The following SQOR variants were observed in gnomAD, a reference collection of about 807,000 sequenced individuals.
SQOR encodes sulfide:quinone oxidoreductase, mitochondrial.
SQOR carries 39 observed loss-of-function variants against 48.6 expected under a neutral mutation model. The ratio of observed to expected loss-of-function variants is 0.80; its 90% CI spans 0.62 to 1.05. The LOEUF is 1.05. SQOR is among the 50% of genes least tolerant of loss of function. The probability of loss-of-function intolerance (pLI) is 0.00; values close to 1 mark genes in which losing one functional copy is unlikely to be tolerated. For missense variants in SQOR, 561 were observed against 559.9 expected (o/e 1.00, Z -0.02); for synonymous variants, 220 against 206.2 (o/e 1.07, Z -0.57).
At chr15:45,648,817 TGATTA>T (rs1193762366) in intron 1 of SQOR, among the ~76,000 whole-genome samples, 11 of 152,380 alleles carry the variant, frequency 7.2e-5, no homozygotes, top group African/African-American at 2.4e-4. Flanking sequence ...CACTGTTTAA[TGATTA>T]GACTGTTTTC....
chr15:45,663,002 A>G (rs1453562686), intron 3 of SQOR, among the ~76,000 whole-genome samples: 1 of 152,088 alleles, frequency 6.6e-6, no homozygotes, highest in Non-Finnish European at 1.5e-5. Context: ...CCTTCCTCCA[A>G]CAGAGATTCA....
Position 45,673,769 on chromosome 15 carries a change from A to G in SQOR, c.622A>G (p.Ile208Val), listed in dbSNP as rs1257034970. 1.9e-6 allele frequency: 3 copies of G among 1,614,042 alleles called. No homozygotes were observed. The highest frequency in any genetic ancestry group is 2.5e-6 in the Non-Finnish European group (3 of 1,180,030). ...PVKCAGAPQK[I>V]MYLSEAYFRK... is the part of the protein sequence containing the mutation. ...GAAGTGTGCTGGAGCCCCTCAGAAG[A>G]TCATGTACTTATCAGAAGCCTACTT... Residue 208 changes from isoleucine to valine, a missense_variant, in exon 5 of 10, where the codon ATC becomes GTC. Ile to Val is a conservative substitution (Grantham distance 29). Coordinates refer to ENST00000260324, the MANE Select transcript of SQOR (RefSeq NM_021199.4).
chr15:45,651,510 CGAG>C (rs1379838780), intron 1 of SQOR, among the ~76,000 whole-genome samples: 1 of 152,234 alleles, frequency 6.6e-6, no homozygotes, highest in Non-Finnish European at 1.5e-5. Flanking sequence ...ATGCCAAGTC[CGAG>C]GAGGTGCTGA....
intron 2 of SQOR, among the ~76,000 whole-genome samples, chr15:45,661,289 T>TAGAAAAAAAAAAAAAAAAAAAAAAAAA (rs777334925): frequency 1.2e-5 from 1 of 84,376 alleles, no homozygotes; most frequent in African/African-American, 4.6e-5. Context: ...AGACTCTGTC[T>TAGAAAAAAAAAAAAAAAAAAAAAAAAA]TAAAAAAAAA....
chr15:45,659,213 T>TGA (rs1179952787), intron 2 of SQOR, 56 bp downstream of exon 2: 40 of 517,632 alleles, frequency 7.7e-5, no homozygotes, highest in East Asian at 2.8e-4. Context: ...TGTGTGTGAG[T>TGA]GTGTGTGTGT....
rs1194559741 is a variant in SQOR at position 45,653,875 on chromosome 15, G to T, written c.-17-5032G>T. 2.0e-5 allele frequency among the ~76,000 whole-genome samples: 3 copies of T among 152,138 alleles called. No individual in the cohort carries two copies. In the East Asian group the frequency reaches 5.8e-4, roughly 29 times the overall value. Reference sequence around the variant, plus strand: ...ATTTAGGCTGGGTGGGGTGGTTTATGCCTGTAATCCCAGCACTTTGGACGG... The same window carrying T: ...ATTTAGGCTGGGTGGGGTGGTTTATTCCTGTAATCCCAGCACTTTGGACGG... On this transcript the variant is annotated intron_variant, in intron 1 of 9. Coordinates refer to ENST00000260324, the MANE Select transcript of SQOR (RefSeq NM_021199.4).
intron 1 of SQOR, among the ~76,000 whole-genome samples, chr15:45,635,961 G>A (rs1048460898): frequency 3.3e-5 from 5 of 151,966 alleles, no homozygotes; most frequent in African/African-American, 1.2e-4. Flanking sequence ...TCAGCCTGCC[G>A]AGTAACTGGG....
upstream of SQOR, chr15:45,634,806 G>C (rs952097876): frequency 6.6e-6 from 1 of 152,250 alleles, no homozygotes; most frequent in African/African-American, 2.4e-5. Context: ...TTCAGGGCGC[G>C]CAAGGGGCGA....
In SQOR at chr15:45,681,508, C is replaced by T. The variant is rs74903013; in HGVS notation, c.865-970C>T. 1.4e-3 allele frequency among the ~76,000 whole-genome samples: 210 copies of T among 152,144 alleles called. 1 individual carries two copies. The East Asian group carries it at 0.016, about 11-fold the overall frequency. ...TGCCATCAGTGACTGCTGAGCCTCT[C>T]GGAGGGCATGGGAACATTGGACTTC... On this transcript the variant is annotated intron_variant, in intron 6 of 9. Coordinates refer to ENST00000260324, the MANE Select transcript of SQOR (RefSeq NM_021199.4).
chr15:45,669,510 C>A (rs1000149160), intron 3 of SQOR, among the ~76,000 whole-genome samples: 5 of 152,146 alleles, frequency 3.3e-5, no homozygotes, highest in African/African-American at 1.2e-4. Flanking sequence ...GATTAGGAAG[C>A]CCTTCTCTTA....
At chr15:45,665,373 T>C (rs1889794874) in intron 3 of SQOR, among the ~76,000 whole-genome samples, 1 of 152,228 alleles carries the variant, frequency 6.6e-6, no homozygotes, top group African/African-American at 2.4e-5. Context: ...CTGCTGGTTT[T>C]AATTCATCCT....
intron 6 of SQOR, among the ~76,000 whole-genome samples, chr15:45,679,452 C>T (rs919039416): frequency 6.6e-6 from 1 of 152,080 alleles, no homozygotes; most frequent in African/African-American, 2.4e-5. Flanking sequence ...GTCTATAATC[C>T]CAGCACTTTG....
At chr15:45,644,903 T>A (rs898275639) in intron 1 of SQOR, among the ~76,000 whole-genome samples, 4 of 152,144 alleles carry the variant, frequency 2.6e-5, no homozygotes, top group African/African-American at 9.7e-5. Flanking sequence ...TGGCTCTGGA[T>A]TGATTGGTTT....
rs571850110 is a variant in SQOR, at chr15:45,665,740, C to T, written c.405+3615C>T. ...CTGGGATTACAGGCATGTGCCACCA[C>T]GCCCAGCTAATTTTTGTGTTTTTAG... On this transcript the variant is annotated intron_variant, in intron 3 of 9. Coordinates refer to ENST00000260324, the MANE Select transcript of SQOR (RefSeq NM_021199.4). Among the ~76,000 whole-genome samples the T allele has an allele frequency of 3.2e-4, 48 of 152,212 alleles. No individual in the cohort carries two copies. In the East Asian group the frequency reaches 8.7e-3, roughly 28 times the overall value.
intron 3 of SQOR, among the ~76,000 whole-genome samples, chr15:45,665,584 C>CTTTTTTTTT (rs1416571890): frequency 1.4e-5 from 2 of 140,176 alleles, no homozygotes; most frequent in African/African-American, 2.6e-5. Context: ...TCCATTCTGT[C>CTTTTTTTTT]TTTTTTTTTT....
At position 45,669,938 on chromosome 15, in the gene SQOR, G is replaced by A. The variant is rs1161867932; in HGVS notation, c.416G>A (p.Arg139Gln). Residue 139 changes from arginine to glutamine, a missense_variant, in exon 4 of 10, where the codon CGA (arginine) becomes CAA (glutamine). By Grantham distance (43) the Arg-to-Gln change is conservative. Coordinates refer to ENST00000260324, the MANE Select transcript of SQOR (RefSeq NM_021199.4). ...CTTTTTGTGTTGCAGATCTCCTACCGATATCTTATTATTGCTCTCGGAATC... is the reference window on the plus strand; with the variant it reads ...CTTTTTGTGTTGCAGATCTCCTACCAATATCTTATTATTGCTCTCGGAATC... Reference protein sequence around the residue: ...HTDDDEKISYRYLIIALGIQL... With the variant: ...HTDDDEKISYQYLIIALGIQL... 63 of 1,613,856 alleles carry A rather than the reference G, an allele frequency of 3.9e-5. 1 individual carries two copies. The highest frequency in any genetic ancestry group is 5.5e-5 in the South Asian group (5 of 91,072).
chr15:45,646,714 T>C (rs1889347047), intron 1 of SQOR, among the ~76,000 whole-genome samples: 1 of 152,230 alleles, frequency 6.6e-6, no homozygotes, highest in African/African-American at 2.4e-5. Flanking sequence ...ATCAAACATG[T>C]ACAAAAATAG....
chr15:45,681,916 A>G (rs1890132424), intron 6 of SQOR, among the ~76,000 whole-genome samples: 1 of 152,142 alleles, frequency 6.6e-6, no homozygotes, highest in African/African-American at 2.4e-5. Flanking sequence ...AGTGCTAGCT[A>G]ATATTTTTAC....
intron 7 of SQOR, among the ~76,000 whole-genome samples, chr15:45,683,854 ATGTGTG>A (rs79144382): frequency 2.0e-5 from 3 of 149,052 alleles, no homozygotes; most frequent in Non-Finnish European, 3.0e-5. Context: ...TGTATATATT[ATGTGTG>A]TGTGTGTGTG....
Sources: allele counts gnomAD v4.1 joint callset (sites outside exome capture counted in the v4.1 genomes callset), GRCh38; gene constraint gnomAD v4.1.1; transcripts MANE v1.5; gene names NCBI Gene and HGNC (gene_info 2026-07-23, HGNC 2026-07-21).